The following DUXA variants were observed in gnomAD, a reference collection of about 807,000 sequenced individuals.
The protein encoded by DUXA is double homeobox A.
DUXA carries 25 observed loss-of-function variants against 27.5 expected under a neutral mutation model. The observed-to-expected ratio is 0.91, with a 90% CI of 0.66 to 1.27. The LOEUF is 1.27. Ranked by LOEUF, DUXA falls within the 50% of genes most tolerant of loss-of-function variation. The probability of loss-of-function intolerance (pLI) is 0.00; values close to 1 mark genes in which losing one functional copy is unlikely to be tolerated. For synonymous variants in DUXA, 90 were observed against 80.5 expected (o/e 1.12, Z -0.63); for missense variants, 247 against 242.9 (o/e 1.02, Z -0.11).
At chr19:57,156,440 C>T (rs1287408943) in intron 4 of DUXA, among the ~76,000 whole-genome samples, 1 of 152,214 alleles carries the variant, frequency 6.6e-6, no homozygotes, top group African/African-American at 2.4e-5. Context: ...CTCACTCTAT[C>T]GCCCAGGCTA....
intron 1 of DUXA, among the ~76,000 whole-genome samples, chr19:57,162,163 C>T (rs1451900913): frequency 3.9e-5 from 6 of 152,120 alleles, no homozygotes; most frequent in African/African-American, 1.4e-4. Flanking sequence ...GCTGAGATTA[C>T]AGATATGAGC....
chr19:57,165,706 G>A (rs914414853), intron 1 of DUXA, among the ~76,000 whole-genome samples: 2 of 150,286 alleles, frequency 1.3e-5, no homozygotes, highest in East Asian at 4.0e-4. Flanking sequence ...TCGGGAGGCT[G>A]AGGCAGGAGA....
Position 57,160,734 on chromosome 19 carries a change from A to T in DUXA, c.89T>A (p.Leu30His). 1 of 1,614,186 alleles carries T rather than the reference A, an allele frequency of 6.2e-7. No individual in the cohort carries two copies. The highest frequency in any genetic ancestry group is 8.5e-7 in the Non-Finnish European group (1 of 1,180,040). The part of the protein sequence containing the change: ...TKFTEEQLKI[L>H]INTFNQKPYP... ...AGGCTTTTGATTGAAGGTATTGATG[A>T]GGATTTTCAACTGTTCTTCTGTGAA... Residue 30 changes from leucine to histidine, a missense_variant, in exon 2 of 6, where the codon CTC (leucine) becomes CAC (histidine). Physicochemically the swap from Leu to His is moderately conservative, Grantham distance 99 (BLOSUM62 -3). Transcript: ENST00000554048.
chr19:57,165,322 A>ATATCTATATATATATATATATATATATAT (rs1484903570), intron 1 of DUXA, among the ~76,000 whole-genome samples: 1 of 89,106 alleles, frequency 1.1e-5, no homozygotes, highest in African/African-American at 4.0e-5. Context: ...AAAAAAAAAA[A>ATATCTATATATATATATATATATATATAT]AAATATATAT....
intron 1 of DUXA, among the ~76,000 whole-genome samples, chr19:57,162,050 C>T (rs1801923169): frequency 6.6e-6 from 1 of 152,000 alleles, no homozygotes; most frequent in Non-Finnish European, 1.5e-5. Context: ...ACCCCCACAC[C>T]CAGCTAATTT....
chr19:57,166,602 C>T (rs914893788), intron 1 of DUXA, among the ~76,000 whole-genome samples: 3 of 152,324 alleles, frequency 2.0e-5, no homozygotes, highest in African/African-American at 7.2e-5. Flanking sequence ...GCCACGGCGC[C>T]CGGCCGCCAT....
chr19:57,167,210 A>T (rs192080624), intron 1 of DUXA, among the ~76,000 whole-genome samples: 113 of 152,200 alleles, frequency 7.4e-4, no homozygotes, highest in African/African-American at 2.6e-3. Flanking sequence ...GTTCTTGAAT[A>T]TCTGTACCTT....
chr19:57,161,435 A>AAT lies in DUXA; in HGVS notation c.26-639_26-638insAT, dbSNP rs1318971999. Among the ~76,000 whole-genome samples, 255 of 150,018 alleles carry AAT rather than the reference A, an allele frequency of 1.7e-3. 4 individuals are homozygous for AAT. The highest frequency in any genetic ancestry group is 5.0e-3 in the African/African-American group (199 of 40,198). ...TCAGGAGATCGAGACCATCCTGGCT[A>AAT]ACATGATGAAACCCCGTCTCTACTA... On this transcript the variant is annotated intron_variant, in intron 1 of 5. Coordinates refer to ENST00000554048, the MANE Select transcript of DUXA (RefSeq NM_001012729.2).
At chr19:57,160,884 T>G (rs1449728918) in intron 1 of DUXA, 87 bp from the exon 2 acceptor site, 2 of 1,480,788 alleles carry the variant, frequency 1.4e-6, no homozygotes, top group African/African-American at 2.8e-5. Flanking sequence ...TCACTTCCTC[T>G]TCCCAAATCC....
intron 2 of DUXA, among the ~76,000 whole-genome samples, chr19:57,159,963 A>G (rs8102774): frequency 0.094 from 14,293 of 151,964 alleles, 1,059 homozygotes; most frequent in East Asian, 0.38. Context: ...AAATTAGCTG[A>G]TCATGGCGGC....
At chr19:57,161,523 T>C (rs1224373108) in intron 1 of DUXA, among the ~76,000 whole-genome samples, 1 of 125,350 alleles carries the variant, frequency 8.0e-6, no homozygotes, top group Non-Finnish European at 1.7e-5. Context: ...CTCCGGAGGC[T>C]GAGGCAGGAG....
At chr19:57,158,572 C>T in intron 3 of DUXA, 99 bp from the exon 4 acceptor site, 1 of 1,436,504 alleles carries the variant, frequency 7.0e-7, no homozygotes, top group Non-Finnish European at 9.5e-7. Context: ...CACTCTCCCT[C>T]CAATTTCGAT....
chr19:57,155,868 C>A (rs2122688177), intron 4 of DUXA, among the ~76,000 whole-genome samples: 1 of 152,094 alleles, frequency 6.6e-6, no homozygotes. Context: ...GGAATTTCAC[C>A]ATATTGGCCA....
intron 1 of DUXA, 53 bp downstream of exon 1, chr19:57,167,366 C>T: frequency 1.2e-6 from 2 of 1,609,856 alleles, no homozygotes; most frequent in East Asian, 2.2e-5. Context: ...GGGTTTTTAG[C>T]CCTACTTTTT....
At chr19:57,161,844 G>A (rs963844707) in intron 1 of DUXA, among the ~76,000 whole-genome samples, 2 of 151,796 alleles carry the variant, frequency 1.3e-5, no homozygotes, top group Non-Finnish European at 2.9e-5. Flanking sequence ...AGTTTTTCAG[G>A]TCAAAATTCC....
chr19:57,154,428 C>G lies in DUXA; in HGVS notation c.599G>C (p.Gly200Ala), dbSNP rs879751119. ...TNFTSDSHFS[G>A]ARTW The stretch of plus-strand genomic sequence containing the variant: ...TGACTGTGTTCACCACGTTCTGGCT[C>G]CAGAGAAATGAGAGTCACTAGTGAA... Residue 200 changes from glycine to alanine, a missense_variant, in exon 6 of 6, where the codon GGA becomes GCA. By Grantham distance (60) the Gly-to-Ala change is moderately conservative (BLOSUM62 0). Coordinates refer to ENST00000554048, the MANE Select transcript of DUXA (RefSeq NM_001012729.2). The G allele has an allele frequency of 1.9e-6, 3 of 1,613,706 alleles. No homozygotes were observed. The highest frequency in any genetic ancestry group is 1.7e-5 in the Admixed American group (1 of 60,016).
At chr19:57,161,207 C>T (rs1285031088) in intron 1 of DUXA, among the ~76,000 whole-genome samples, 1 of 151,168 alleles carries the variant, frequency 6.6e-6, no homozygotes, top group African/African-American at 2.4e-5. Context: ...TGCCTGTAAT[C>T]CCAGCTACTC....
At chr19:57,160,080 G>A (rs1173165385) in intron 2 of DUXA, among the ~76,000 whole-genome samples, 3 of 152,084 alleles carry the variant, frequency 2.0e-5, no homozygotes, top group South Asian at 2.1e-4. Flanking sequence ...ACTCCAGCTT[G>A]GACGACACAG....
At chr19:57,155,631 G>A (rs190727553) in intron 4 of DUXA, among the ~76,000 whole-genome samples, 1 of 58,904 alleles carries the variant, frequency 1.7e-5, no homozygotes, top group Non-Finnish European at 3.4e-5. Flanking sequence ...AGGCACACTT[G>A]ACTGTGCCCA....
Sources: gnomAD v4.1 joint callset for allele counts (sites outside exome capture counted in the v4.1 genomes callset) on GRCh38, gnomAD v4.1.1 for gene constraint, MANE v1.5 for transcripts, NCBI Gene and HGNC (gene_info 2026-07-23, HGNC 2026-07-21) for gene names.